Variants in SPATA22 observed in about 807,000 individuals in gnomAD.
SPATA22 encodes spermatogenesis-associated protein 22.
In SPATA22, 29 loss-of-function variants were observed where a neutral mutation model predicts 47.8. The ratio of observed to expected loss-of-function variants is 0.61; its 90% CI spans 0.45 to 0.83. The LOEUF (loss-of-function observed/expected upper bound fraction) is 0.83, where lower values mean the gene tolerates loss of function less well. Ranked by LOEUF, SPATA22 falls within the 40% of genes least tolerant of loss-of-function variation. The pLI is 0.00. For missense variants in SPATA22, 410 were observed against 421.7 expected, an observed-to-expected ratio of 0.97 and a Z score of 0.24; for synonymous variants, 133 against 140.9, an observed-to-expected ratio of 0.94 and a Z score of 0.40.
chr17:3,492,496 G>GT (rs1462069851), intron 1 of SPATA22, among the ~76,000 whole-genome samples: 5 of 152,196 alleles, frequency 3.3e-5, no homozygotes, highest in Admixed American at 6.5e-5. Flanking sequence ...TCCTGGCAGT[G>GT]TGATGTTTCA....
At chr17:3,465,216 C>T (rs1473017573) in intron 3 of SPATA22, among the ~76,000 whole-genome samples, 6 of 140,732 alleles carry the variant, frequency 4.3e-5, no homozygotes, top group Non-Finnish European at 6.4e-5. Flanking sequence ...CGCCTCTGCC[C>T]GGCCGCCCCT....
chr17:3,451,768 G>C (rs2072866334), intron 5 of SPATA22, among the ~76,000 whole-genome samples: 1 of 151,946 alleles, frequency 6.6e-6, no homozygotes, highest in Admixed American at 6.6e-5. Context: ...CTAACATGGT[G>C]AAACCCCGTC....
At chr17:3,471,822 G>T, upstream of SPATA22, 1 of 985,490 alleles carries the variant, frequency 1.0e-6, no homozygotes, top group Non-Finnish European at 1.2e-6. Context: ...CGGGAATCAG[G>T]CTGTTCGCAG....
At chr17:3,465,888 A>G (rs2073299342) in intron 3 of SPATA22, among the ~76,000 whole-genome samples, 1 of 152,156 alleles carries the variant, frequency 6.6e-6, no homozygotes, top group Admixed American at 6.5e-5. Context: ...CCGAGCTTGA[A>G]GTACTTCAGG....
chr17:3,487,511 T>C (rs936312846), intron 1 of SPATA22, among the ~76,000 whole-genome samples: 2 of 152,230 alleles, frequency 1.3e-5, no homozygotes, highest in Non-Finnish European at 2.9e-5. Flanking sequence ...TAGCCTAAGA[T>C]TGATATTTGA....
chr17:3,461,909 T>C (rs1318653226), intron 5 of SPATA22, among the ~76,000 whole-genome samples: 1 of 152,212 alleles, frequency 6.6e-6, no homozygotes, highest in Non-Finnish European at 1.5e-5. Flanking sequence ...CCATGTTCTT[T>C]TTCTATCAAT....
intron 1 of SPATA22, among the ~76,000 whole-genome samples, chr17:3,493,709 A>G (rs901530887): frequency 6.6e-6 from 1 of 152,098 alleles, no homozygotes; most frequent in Non-Finnish European, 1.5e-5. Context: ...CCTTCATTTG[A>G]CAGGTCAAGA....
At chr17:3,460,729 G>A (rs1233148025) in intron 5 of SPATA22, among the ~76,000 whole-genome samples, 3 of 140,484 alleles carry the variant, frequency 2.1e-5, no homozygotes, top group East Asian at 2.1e-4. Context: ...GGAGTTCAAG[G>A]TTGCAATGAG....
At chr17:3,492,533 A>G (rs1363788308) in intron 1 of SPATA22, among the ~76,000 whole-genome samples, 1 of 152,006 alleles carries the variant, frequency 6.6e-6, no homozygotes, top group Non-Finnish European at 1.5e-5. Flanking sequence ...GATAGAGTCT[A>G]TTTTTCCACT....
intron 1 of SPATA22, among the ~76,000 whole-genome samples, chr17:3,507,535 C>T (rs376925987): frequency 1.3e-4 from 20 of 152,168 alleles, no homozygotes; most frequent in Admixed American, 1.2e-3. Flanking sequence ...TTTGCTGTTA[C>T]TGTCAGAGGG....
intron 1 of SPATA22, among the ~76,000 whole-genome samples, chr17:3,491,138 G>C (rs963836839): frequency 6.6e-6 from 1 of 152,222 alleles, no homozygotes; most frequent in Non-Finnish European, 1.5e-5. Flanking sequence ...GACATGCTTA[G>C]CTAAGTGACA....
intron 1 of SPATA22, among the ~76,000 whole-genome samples, chr17:3,479,830 T>C (rs951941868): frequency 6.6e-6 from 1 of 152,006 alleles, no homozygotes; most frequent in African/African-American, 2.4e-5. Flanking sequence ...GGAATACAAA[T>C]AGATGGAATT....
At chr17:3,486,093 C>G (rs1187703710) in intron 1 of SPATA22, among the ~76,000 whole-genome samples, 1 of 152,146 alleles carries the variant, frequency 6.6e-6, no homozygotes, top group Non-Finnish European at 1.5e-5. Context: ...CCACCATACC[C>G]AGCAAATTTT....
intron 6 of SPATA22, among the ~76,000 whole-genome samples, chr17:3,448,376 T>C (rs79827469): frequency 0.044 from 6,650 of 152,164 alleles, 284 homozygotes; most frequent in East Asian, 0.11. Flanking sequence ...AGTGGCAGAG[T>C]TGAGTAGTAT....
chr17:3,464,191 G>T (rs1297759699), intron 3 of SPATA22, among the ~76,000 whole-genome samples: 1 of 151,896 alleles, frequency 6.6e-6, no homozygotes, highest in Non-Finnish European at 1.5e-5. Flanking sequence ...TGTGTTGGCC[G>T]GGCTGGTCTC....
At chr17:3,453,492 C>A (rs1287213154) in intron 5 of SPATA22, among the ~76,000 whole-genome samples, 1 of 152,072 alleles carries the variant, frequency 6.6e-6, no homozygotes, top group Non-Finnish European at 1.5e-5. Flanking sequence ...ATAGAAGGAA[C>A]ATACTCCAAC....
intron 1 of SPATA22, chr17:3,483,689 G>C (rs1242967681): frequency 1.7e-6 from 2 of 1,191,204 alleles, no homozygotes; most frequent in East Asian, 5.0e-5. Flanking sequence ...TTGAGACAGA[G>C]TCTTGCTCTG....
chr17:3,486,293 C>A (rs1179307051), intron 1 of SPATA22, among the ~76,000 whole-genome samples: 1 of 152,082 alleles, frequency 6.6e-6, no homozygotes, highest in Non-Finnish European at 1.5e-5. Flanking sequence ...CAGGGAAGAC[C>A]CCATTCCTAA....
rs561745993 is a variant in SPATA22, at chr17:3,464,925, G to A, written c.173-2158C>T. ...AGCCCCCCACCCGGCCAGCCGCCCG[G>A]TCTGGGAGGTGAGGGGCGCCTCTGC... is the stretch of plus-strand genomic sequence containing the variant. On this transcript the variant is annotated intron_variant, in intron 3 of 8. Transcript: ENST00000572969. 7.6e-5 allele frequency among the ~76,000 whole-genome samples: 8 copies of A among 105,796 alleles called. No homozygotes were observed. In the South Asian group the frequency reaches 1.6e-3, roughly 22 times the overall value. The allele number at this position is 105,796 out of a possible 152,430, so 69.4% of individuals were successfully genotyped here.
Sources: gnomAD v4.1 joint callset for allele counts (sites outside exome capture counted in the v4.1 genomes callset) on GRCh38, gnomAD v4.1.1 for gene constraint, MANE v1.5 for transcripts, NCBI Gene and HGNC (gene_info 2026-07-23, HGNC 2026-07-21) for gene names.